The following HAUS2 variants were observed in gnomAD, a reference collection of about 807,000 sequenced individuals.
HAUS2 encodes HAUS augmin-like complex subunit 2.
HAUS2 carries 20 observed loss-of-function variants against 21.6 expected under a neutral mutation model. The ratio of observed to expected loss-of-function variants is 0.93; its 90% CI spans 0.65 to 1.35. The LOEUF is 1.35. HAUS2 is among the 40% of genes most tolerant of loss of function. The pLI, the probability that HAUS2 is intolerant of heterozygous loss-of-function variation, is 0.00. For missense variants in HAUS2, 297 were observed against 280.7 expected, an observed-to-expected ratio of 1.06 and a Z score of -0.42; for synonymous variants, 113 against 95.6, an observed-to-expected ratio of 1.18 and a Z score of -1.06.
intron 1 of HAUS2, among the ~76,000 whole-genome samples, chr15:42,550,699 C>T (rs1023432325): frequency 2.6e-5 from 4 of 152,020 alleles, no homozygotes; most frequent in African/African-American, 9.7e-5. Context: ...GACGGAGTCT[C>T]GCTCTGTTGC....
chr15:42,559,673 A>G (rs2057828684), intron 3 of HAUS2, among the ~76,000 whole-genome samples: 1 of 152,176 alleles, frequency 6.6e-6, no homozygotes, highest in African/African-American at 2.4e-5. Flanking sequence ...ATTAAAAGAG[A>G]CTAAAGGGAC....
At chr15:42,560,783 G>A (rs1026155985) in intron 3 of HAUS2, 4 of 701,826 alleles carry the variant, frequency 5.7e-6, no homozygotes, top group African/African-American at 5.2e-5. Context: ...TTTTTGTAGA[G>A]ATGAAGTCTT....
intron 2 of HAUS2, among the ~76,000 whole-genome samples, chr15:42,558,688 T>C (rs2057815518): frequency 6.6e-6 from 1 of 151,884 alleles, no homozygotes; most frequent in Admixed American, 6.6e-5. Flanking sequence ...CCAGATGTAG[T>C]GGCTCACACC....
intron 4 of HAUS2, 183 bp downstream of exon 4, chr15:42,561,585 A>T (rs1293859237): frequency 2.1e-6 from 1 of 485,670 alleles, no homozygotes; most frequent in East Asian, 3.0e-5. Flanking sequence ...TATGGCAAAA[A>T]GGAAGAACTT....
chr15:42,566,238 A>C (rs139526693), intron 5 of HAUS2, among the ~76,000 whole-genome samples: 470 of 151,858 alleles, frequency 3.1e-3, no homozygotes, highest in African/African-American at 0.011. Flanking sequence ...TTATTTTTTG[A>C]CACATCTTGC....
chr15:42,560,666 A>C (rs80113260), intron 3 of HAUS2: 6,596 of 586,582 alleles, frequency 0.011, 79 homozygotes, highest in Non-Finnish European at 0.017. Flanking sequence ...ACCCAGGCTG[A>C]AGTACAGGTC....
chr15:42,552,020 G>GT (rs141846514), intron 1 of HAUS2, among the ~76,000 whole-genome samples: 8,854 of 150,048 alleles, frequency 0.059, 799 homozygotes, highest in African/African-American at 0.2. Context: ...CTTTTTTTTT[G>GT]TTTTTTTTGT....
At chr15:42,563,670 G>A in intron 4 of HAUS2, 79 bp from the exon 5 acceptor site, 2 of 769,724 alleles carry the variant, frequency 2.6e-6, no homozygotes, top group Non-Finnish European at 4.6e-6. Flanking sequence ...CAAATTAAAA[G>A]TCCTGATTAA....
At chr15:42,555,230 C>T (rs2057760151) in intron 1 of HAUS2, among the ~76,000 whole-genome samples, 1 of 151,626 alleles carries the variant, frequency 6.6e-6, no homozygotes, top group African/African-American at 2.4e-5. Context: ...TCGTGATCTG[C>T]CCACCTCGGC....
chr15:42,556,480 G>C (rs2057777142), intron 1 of HAUS2, among the ~76,000 whole-genome samples: 1 of 151,496 alleles, frequency 6.6e-6, no homozygotes, highest in Non-Finnish European at 1.5e-5. Flanking sequence ...GTCCAGGCTG[G>C]TCTTGAACTC....
In HAUS2 at chr15:42,554,387, C is replaced by CAACT. The variant is rs2057752012; in HGVS notation, c.94-3809_94-3806dup. ...GGCATTTACTATACTCAATATTGTG[C>CAACT]AACTATTTTCAAAAACATCTTTATC... On this transcript the variant is annotated intron_variant, in intron 1 of 5. Coordinates refer to ENST00000260372, the MANE Select transcript of HAUS2 (RefSeq NM_018097.3). 2.0e-5 allele frequency among the ~76,000 whole-genome samples: 3 copies of CAACT among 151,784 alleles called. No homozygotes were observed. In the South Asian group the frequency reaches 6.2e-4, roughly 32 times the overall value.
chr15:42,566,579 C>T (rs775336865), intron 5 of HAUS2, 28 bp from the exon 6 acceptor site: 1 of 1,193,758 alleles, frequency 8.4e-7, no homozygotes, highest in Admixed American at 1.7e-5. Flanking sequence ...GACATAATTT[C>T]TCCTGTTTCC....
chr15:42,563,998 G>A, intron 5 of HAUS2, 141 bp downstream of exon 5: 1 of 588,760 alleles, frequency 1.7e-6, no homozygotes, highest in East Asian at 3.2e-5. Flanking sequence ...TGGCATGGTA[G>A]TTCACACCTG....
At position 42,567,386 on chromosome 15, in the gene HAUS2, G is replaced by C. The variant is rs973074387; in HGVS notation, c.*570G>C. The C allele has an allele frequency of 2.0e-5, 3 of 153,150 alleles. No individual in the cohort carries two copies. The highest frequency in any genetic ancestry group is 7.2e-5 in the African/African-American group (3 of 41,438). The allele number at this position is 153,150 out of a possible 1,614,324, so 9.5% of individuals were successfully genotyped here. A position where few individuals can be genotyped will look rare whatever the true frequency, so the allele number is the denominator to read the frequency against. On this transcript the variant is annotated 3_prime_UTR_variant, in exon 6 of 6. Coordinates refer to ENST00000260372, the MANE Select transcript of HAUS2 (RefSeq NM_018097.3). ...ACTGCGCTACAGCCTGGGCGACACAGTAAGACCCTGTCTCAAAAAAAAGAA... is the reference window on the plus strand; with the variant it reads ...ACTGCGCTACAGCCTGGGCGACACACTAAGACCCTGTCTCAAAAAAAAGAA...
At chr15:42,560,829 T>C (rs1386198471) in intron 3 of HAUS2, 2 of 702,270 alleles carry the variant, frequency 2.8e-6, no homozygotes, top group South Asian at 3.0e-5. Context: ...ACTCATGGCC[T>C]CAATTCTCCC....
intron 3 of HAUS2, 76 bp downstream of exon 3, chr15:42,559,484 G>A: frequency 6.1e-6 from 5 of 818,888 alleles, no homozygotes; most frequent in Non-Finnish European, 1.1e-5. Flanking sequence ...GCACCAGTCA[G>A]TCAAATTATG....
intron 1 of HAUS2, among the ~76,000 whole-genome samples, chr15:42,552,020 G>GTT (rs141846514): frequency 1.4e-4 from 21 of 150,086 alleles, no homozygotes; most frequent in African/African-American, 5.1e-4. Flanking sequence ...CTTTTTTTTT[G>GTT]TTTTTTTTGT....
Position 42,567,142 on chromosome 15 carries a change from G to C in HAUS2, c.*326G>C. On this transcript the variant is annotated 3_prime_UTR_variant, in exon 6 of 6. Coordinates refer to ENST00000260372, the MANE Select transcript of HAUS2 (RefSeq NM_018097.3). ...TCGTCTGGTGTGGTGGCTCACACCT[G>C]TAATCCTAACACTTGGGGAGGCTGA... is the stretch of plus-strand genomic sequence containing the variant. 1 of 220,192 alleles carries C rather than the reference G, an allele frequency of 4.5e-6. No individual in the cohort carries two copies. The highest frequency in any genetic ancestry group is 9.1e-6 in the Non-Finnish European group (1 of 110,450). 13.6% of individuals were successfully genotyped at this position (220,192 alleles called of 1,614,324 possible). A position where few individuals can be genotyped will look rare whatever the true frequency, so the allele number is the denominator to read the frequency against.
In HAUS2 at chr15:42,548,869, A is replaced by C; in HGVS notation, c.-4A>C. On this transcript the variant is annotated 5_prime_UTR_variant, in exon 1 of 6. Transcript: ENST00000260372. ...GGCGCCTTCGCGGAAGGTGCGTCCGAGCCATGGCCGCTGCCAACCCGTGGG... is the reference window on the plus strand; with the variant it reads ...GGCGCCTTCGCGGAAGGTGCGTCCGCGCCATGGCCGCTGCCAACCCGTGGG... 6.5e-7 allele frequency: 1 copy of C among 1,548,176 alleles called. No individual in the cohort carries two copies. Among genetic ancestry groups the C allele is most frequent in the Non-Finnish European group, 8.7e-7 (1 of 1,145,600 alleles).
Sources: allele counts gnomAD v4.1 joint callset (sites outside exome capture counted in the v4.1 genomes callset), GRCh38; gene constraint gnomAD v4.1.1; transcripts MANE v1.5; gene names NCBI Gene and HGNC (gene_info 2026-07-23, HGNC 2026-07-21).